Variants in SLC24A2 observed in about 807,000 individuals in gnomAD.
SLC24A2 encodes solute carrier family 24 member 2.
SLC24A2 carries 36 observed loss-of-function variants against 62.0 expected under a neutral mutation model. That is an observed-to-expected ratio of 0.58 (90% CI 0.44 to 0.77). The LOEUF is 0.77. SLC24A2 is among the 30% of genes least tolerant of loss of function. SLC24A2 has a pLI of 0.00. For missense variants in SLC24A2, 846 were observed against 817.9 expected, an observed-to-expected ratio of 1.03 and a Z score of -0.42; for synonymous variants, 358 against 294.0, an observed-to-expected ratio of 1.22 and a Z score of -2.23.
chr9:20,002,400 T>C, the SLC24A2 span, among the ~76,000 whole-genome samples: 1 of 151,522 alleles, frequency 6.6e-6, no homozygotes, highest in South Asian at 2.1e-4. Flanking sequence ...CAATTATTAG[T>C]TTGGTACCCT....
At chr9:20,113,471 T>G in the SLC24A2 span, among the ~76,000 whole-genome samples, 1 of 152,340 alleles carries the variant, frequency 6.6e-6, no homozygotes, top group East Asian at 1.9e-4. Flanking sequence ...GATTATTATG[T>G]TCATTAAAAG....
chr9:19,984,218 T>C, the SLC24A2 span, among the ~76,000 whole-genome samples: 2 of 152,178 alleles, frequency 1.3e-5, no homozygotes, highest in Non-Finnish European at 2.9e-5. Flanking sequence ...AATGACTTTT[T>C]TTTTTCAGAA....
At chr9:19,819,040 C>T in the SLC24A2 span, among the ~76,000 whole-genome samples, 779 of 150,912 alleles carry the variant, frequency 5.2e-3, 9 homozygotes, top group African/African-American at 0.018. Context: ...CAGAAATAAA[C>T]CCAGATACTT....
chr9:19,573,005 C>G (rs1172040735), intron 7 of SLC24A2, among the ~76,000 whole-genome samples: 1 of 152,186 alleles, frequency 6.6e-6, no homozygotes, highest in Non-Finnish European at 1.5e-5. Context: ...ATTAAAAATG[C>G]TAATTCCGAC....
the SLC24A2 span, among the ~76,000 whole-genome samples, chr9:19,937,052 T>C: frequency 1.3e-5 from 2 of 152,146 alleles, no homozygotes; most frequent in Admixed American, 1.3e-4. Flanking sequence ...AAGGAAAATA[T>C]GGTAGGAACA....
chr9:20,280,044 A>G, the SLC24A2 span, among the ~76,000 whole-genome samples: 1 of 152,238 alleles, frequency 6.6e-6, no homozygotes, highest in Admixed American at 6.5e-5. Flanking sequence ...GTCTGGCGGG[A>G]AAAATAGGCT....
intron 7 of SLC24A2, among the ~76,000 whole-genome samples, chr9:19,560,085 C>T (rs948593445): frequency 4.6e-5 from 7 of 152,084 alleles, no homozygotes; most frequent in Non-Finnish European, 1.0e-4. Flanking sequence ...AAGCAAACCC[C>T]GAGTTCAGGG....
At chr9:20,197,430 T>TTC in the SLC24A2 span, among the ~76,000 whole-genome samples, 7 of 141,026 alleles carry the variant, frequency 5.0e-5, no homozygotes, top group African/African-American at 1.9e-4. Flanking sequence ...TCTCTCTCTT[T>TTC]TTTTTTTTTT....
chr9:19,918,008 T>A, the SLC24A2 span, among the ~76,000 whole-genome samples: 2 of 152,160 alleles, frequency 1.3e-5, no homozygotes, highest in African/African-American at 4.8e-5. Context: ...CTTCCTTGTA[T>A]TAAGGAAGCA....
the SLC24A2 span, among the ~76,000 whole-genome samples, chr9:20,242,199 T>G: frequency 6.6e-6 from 1 of 152,152 alleles, no homozygotes; most frequent in Admixed American, 6.5e-5. Flanking sequence ...TTTGCCTCAG[T>G]CTACCAGTCC....
At chr9:20,260,050 T>G in the SLC24A2 span, among the ~76,000 whole-genome samples, 1 of 152,156 alleles carries the variant, frequency 6.6e-6, no homozygotes, top group East Asian at 1.9e-4. Flanking sequence ...GCCACTGCAC[T>G]CCAGCCTGTG....
the SLC24A2 span, among the ~76,000 whole-genome samples, chr9:19,829,810 TACACACACACACACACACACACACAC>T: frequency 2.9e-5 from 1 of 34,142 alleles, no homozygotes. Flanking sequence ...TATATATATA[TACACACACACACACACACACACACAC>T]ACACATATAT....
the SLC24A2 span, among the ~76,000 whole-genome samples, chr9:20,189,529 C>T: frequency 5.1e-4 from 77 of 152,242 alleles, 1 homozygote; most frequent in African/African-American, 1.7e-3. Flanking sequence ...GGGGAGTGGG[C>T]AATGTCAGAT....
intron 9 of SLC24A2, among the ~76,000 whole-genome samples, chr9:19,524,695 T>A (rs568305583): frequency 5.8e-4 from 89 of 152,310 alleles, no homozygotes; most frequent in Non-Finnish European, 9.4e-4. Flanking sequence ...AAACTTCTCT[T>A]CCATCAATGA....
chr9:19,877,049 A>G, the SLC24A2 span, among the ~76,000 whole-genome samples: 1 of 152,028 alleles, frequency 6.6e-6, no homozygotes. Context: ...CTATATTAAT[A>G]TGAACCTTTG....
In SLC24A2 at chr9:19,513,293, G is replaced by C. The variant is rs997893354; in HGVS notation, c.*2860C>G. 1 of 151,546 alleles carries C rather than the reference G, an allele frequency of 6.6e-6. No individual in the cohort carries two copies. Among genetic ancestry groups the C allele is most frequent in the Non-Finnish European group, 1.5e-5 (1 of 67,972 alleles). The allele number at this position is 151,546 out of a possible 1,614,324, so 9.4% of individuals were successfully genotyped here. A position where few individuals can be genotyped will look rare whatever the true frequency, so the allele number is the denominator to read the frequency against. ...GGAAAGTTCTTATAATTATGCCAAT[G>C]ATTTGAATGGTTTAAAGACCCATTG... On this transcript the variant is annotated 3_prime_UTR_variant, in exon 11 of 11. Coordinates refer to ENST00000341998, the MANE Select transcript of SLC24A2 (RefSeq NM_020344.4).
the SLC24A2 span, among the ~76,000 whole-genome samples, chr9:20,136,505 T>A: frequency 6.6e-6 from 1 of 152,208 alleles, no homozygotes; most frequent in Non-Finnish European, 1.5e-5. Flanking sequence ...CAGATTAATT[T>A]AAACCATTTT....
At chr9:20,068,667 T>C in the SLC24A2 span, among the ~76,000 whole-genome samples, 6 of 152,148 alleles carry the variant, frequency 3.9e-5, no homozygotes, top group African/African-American at 1.4e-4. Flanking sequence ...TTGCTCTTGC[T>C]TGGGGGTGCT....
the SLC24A2 span, among the ~76,000 whole-genome samples, chr9:20,053,866 G>A: frequency 3.3e-5 from 5 of 152,196 alleles, no homozygotes; most frequent in Non-Finnish European, 7.3e-5. Flanking sequence ...AACATACCAA[G>A]ACACTCCTGC....
Sources: allele counts gnomAD v4.1 joint callset (sites outside exome capture counted in the v4.1 genomes callset), GRCh38; gene constraint gnomAD v4.1.1; transcripts MANE v1.5; gene names NCBI Gene and HGNC (gene_info 2026-07-23, HGNC 2026-07-21).